SLC22A11: variants seen among roughly 807,000 people sequenced by gnomAD.
The protein encoded by SLC22A11 is organic anion transporter 4.
SLC22A11 carries 42 observed loss-of-function variants against 49.4 expected under a neutral mutation model. The observed-to-expected ratio is 0.85, with a 90% CI of 0.66 to 1.10. The LOEUF is 1.10. Ranked by LOEUF, SLC22A11 falls within the 50% of genes least tolerant of loss-of-function variation. The probability of loss-of-function intolerance (pLI) is 0.00; values close to 1 mark genes in which losing one functional copy is unlikely to be tolerated. For synonymous variants in SLC22A11, 304 were observed against 315.8 expected (o/e 0.96, Z 0.40); for missense variants, 685 against 731.6 (o/e 0.94, Z 0.74).
chr11:64,563,769 A>T (rs887191788), intron 4 of SLC22A11, among the ~76,000 whole-genome samples: 1 of 151,838 alleles, frequency 6.6e-6, no homozygotes, highest in African/African-American at 2.4e-5. Flanking sequence ...AATACAAAAA[A>T]ATTAGCCATG....
At chr11:64,561,009 T>TGCCACGCACCTGCCCAC (rs2038536414) in intron 2 of SLC22A11, among the ~76,000 whole-genome samples, 1 of 152,200 alleles carries the variant, frequency 6.6e-6, no homozygotes, top group African/African-American at 2.4e-5. Context: ...GCAGTTGTCG[T>TGCCACGCACCTGCCCAC]GAGGATGAAG....
In SLC22A11 at chr11:64,568,691, T is replaced by C; in HGVS notation, c.1295T>C (p.Val432Ala). The stretch of plus-strand genomic sequence containing the variant: ...CCAGATTTGCAGACCCTGCGTGTGG[T>C]CTTTGCTGTGCTGGGAAAGGGATGT... ...VPQDLQTLRV[V>A]FAVLGKGCFG... Residue 432 changes from valine to alanine, a missense_variant, in exon 8 of 10, where the codon GTC becomes GCC. Val to Ala is a moderately conservative substitution (Grantham distance 64). Coordinates refer to ENST00000301891, the MANE Select transcript of SLC22A11 (RefSeq NM_018484.4). 6.2e-7 allele frequency: 1 copy of C among 1,614,146 alleles called. No individual in the cohort carries two copies. The highest frequency in any genetic ancestry group is 8.5e-7 in the Non-Finnish European group (1 of 1,180,016).
intron 2 of SLC22A11, among the ~76,000 whole-genome samples, 193 bp downstream of exon 2, chr11:64,559,431 C>A (rs1001367835): frequency 9.2e-5 from 14 of 152,068 alleles, no homozygotes; most frequent in African/African-American, 2.9e-4. Context: ...TCAGCAAGGC[C>A]CCCCAGACCC....
chr11:64,556,146 C>T lies in SLC22A11; in HGVS notation c.147C>T (p.Cys49=). The change falls in exon 1 of 10, where the codon TGC becomes TGT. Residue 49 remains cysteine, a synonymous_variant. Coordinates refer to ENST00000301891, the MANE Select transcript of SLC22A11 (RefSeq NM_018484.4). ...CAGCCGCCATCCCAGGCCACCGATG[C>T]TGGACACACATGCTGGACAATGGCT... ...NFSAAIPGHR[C]WTHMLDNGSA... 6.2e-7 allele frequency: 1 copy of T among 1,614,194 alleles called. No individual in the cohort carries two copies. Among genetic ancestry groups the T allele is most frequent in the Non-Finnish European group, 8.5e-7 (1 of 1,180,028 alleles).
rs1410628714 is a variant in SLC22A11 at position 64,562,234 on chromosome 11, G to A, written c.653-33G>A. The A allele has an allele frequency of 5.6e-6, 9 of 1,600,846 alleles. No individual in the cohort carries two copies. The highest frequency in any genetic ancestry group is 1.7e-5 in the Admixed American group (1 of 59,230). Reference sequence around the variant, plus strand: ...GAGAATGGGGCTCAGGCCGCCGCATGAGGCCTCACCTGCACGTGTCTGCAT... The same window carrying A: ...GAGAATGGGGCTCAGGCCGCCGCATAAGGCCTCACCTGCACGTGTCTGCAT... On this transcript the variant is annotated intron_variant, in intron 3 of 9. Transcript: ENST00000301891. The surrounding 1 kb of genome is among the most constrained non-coding windows in gnomAD (Gnocchi z 4.4).
chr11:64,570,887 C>T, intron 9 of SLC22A11, 92 bp from the exon 10 acceptor site: 3 of 1,221,550 alleles, frequency 2.5e-6, no homozygotes, highest in South Asian at 2.5e-5. Flanking sequence ...ATAGAGTTTA[C>T]CCCCCAATAA....
At chr11:64,556,432 G>A (rs1171300518) in intron 1 of SLC22A11, 40 bp downstream of exon 1, 1 of 1,598,240 alleles carries the variant, frequency 6.3e-7, no homozygotes, top group Non-Finnish European at 8.5e-7. Flanking sequence ...CCGTCACCTT[G>A]GAGGTCAGAG....
intron 6 of SLC22A11, 52 bp from the exon 7 acceptor site, chr11:64,567,547 G>A: frequency 1.3e-6 from 2 of 1,554,504 alleles, no homozygotes; most frequent in Non-Finnish European, 1.8e-6. Flanking sequence ...GTTGCTGTTG[G>A]GGTGCCCTCT....
In SLC22A11 at chr11:64,565,300, G is replaced by A. The variant is rs759027987; in HGVS notation, c.1021G>A (p.Val341Met). 18 of 1,550,708 alleles carry A rather than the reference G, an allele frequency of 1.2e-5. No homozygotes were observed. The Admixed American group carries it at 1.4e-4, about 12-fold the overall frequency. The change falls in exon 6 of 10, where the codon GTG becomes ATG. Residue 341 changes from valine (V) to methionine (M), a missense_variant. Coordinates refer to ENST00000301891, the MANE Select transcript of SLC22A11 (RefSeq NM_018484.4). The surrounding 1 kb of genome is among the most constrained non-coding windows in gnomAD (Gnocchi z 4.1). Reference sequence around the variant, plus strand: ...GGTGCTGGACCTGTTCTGCGTGCCCGTGCTCCGCTGGAGGAGCTGCGCCAT... The same window carrying A: ...GGTGCTGGACCTGTTCTGCGTGCCCATGCTCCGCTGGAGGAGCTGCGCCAT... ...RSVLDLFCVPVLRWRSCAMLV... is the reference protein window; with the variant it reads ...RSVLDLFCVPMLRWRSCAMLV...
intron 9 of SLC22A11, 50 bp from the exon 10 acceptor site, chr11:64,570,929 G>A: frequency 6.2e-7 from 1 of 1,602,170 alleles, no homozygotes; most frequent in Non-Finnish European, 8.6e-7. Flanking sequence ...CAAGCTCCGA[G>A]TACATACCCA....
intron 1 of SLC22A11, among the ~76,000 whole-genome samples, chr11:64,557,959 G>A (rs1300816218): frequency 1.3e-5 from 2 of 151,928 alleles, no homozygotes; most frequent in Non-Finnish European, 2.9e-5. Context: ...AACCACTCCC[G>A]GCTAATTTTT....
intron 8 of SLC22A11, 21 bp downstream of exon 8, chr11:64,568,799 T>C: frequency 6.2e-7 from 1 of 1,600,840 alleles, no homozygotes; most frequent in Non-Finnish European, 8.6e-7. Context: ...CTGCAGGCCA[T>C]GCCCCAGGGC....
rs1242109465 is a variant in SLC22A11 at position 64,562,168 on chromosome 11, C to T, written c.652+10C>T. 11 of 1,611,518 alleles carry T rather than the reference C, an allele frequency of 6.8e-6. No individual in the cohort carries two copies. Among genetic ancestry groups the T allele is most frequent in the Admixed American group, 1.7e-5 (1 of 59,912 alleles). Reference sequence around the variant, plus strand: ...AGTTCACTGACACTGAGTGAGTCCCCGGCTCAGCGCGCTCCTGCCATGGGG... The same window carrying T: ...AGTTCACTGACACTGAGTGAGTCCCTGGCTCAGCGCGCTCCTGCCATGGGG... On this transcript the variant is annotated intron_variant, in intron 3 of 9. Transcript: ENST00000301891. This position sits in a 1 kb window ranked among gnomAD's most constrained non-coding sequence, Gnocchi z 4.4.
intron 2 of SLC22A11, 49 bp from the exon 3 acceptor site, chr11:64,561,955 G>A (rs746475224): frequency 1.2e-5 from 19 of 1,564,056 alleles, no homozygotes; most frequent in South Asian, 3.5e-5. Flanking sequence ...ACATATCCAC[G>A]TCCTCAGGGG....
rs1554984368 is a variant in SLC22A11, at chr11:64,571,397, A to AC, written c.*359dup. ...CAACCAGAGACTGGGTTCCAATCTC[A>AC]CCCCACCACATACAGAGCCCTCATC... On this transcript the variant is annotated 3_prime_UTR_variant, in exon 10 of 10. Transcript: ENST00000301891. 1 of 267,360 alleles carries AC rather than the reference A, an allele frequency of 3.7e-6. No individual in the cohort carries two copies. Among genetic ancestry groups the AC allele is most frequent in the Non-Finnish European group, 7.2e-6 (1 of 138,028 alleles). 16.6% of individuals were successfully genotyped at this position (267,360 alleles called of 1,614,324 possible). A position where few individuals can be genotyped will look rare whatever the true frequency, so the allele number is the denominator to read the frequency against.
In SLC22A11 at chr11:64,556,931, A is replaced by T. The variant is rs77787194; in HGVS notation, c.393+539A>T. Among the ~76,000 whole-genome samples, 243 of 152,300 alleles carry T rather than the reference A, an allele frequency of 1.6e-3. 3 individuals are homozygous for T. Among genetic ancestry groups the T allele is most frequent in the African/African-American group, 5.6e-3 (231 of 41,562 alleles). ...GATGGGCCCAGGAGAAGGCTCAGGA[A>T]CCTGACTAAAGTTTGGCCAAGCAAA... On this transcript the variant is annotated intron_variant, in intron 1 of 9. Coordinates refer to ENST00000301891, the MANE Select transcript of SLC22A11 (RefSeq NM_018484.4).
At position 64,571,125 on chromosome 11, in the gene SLC22A11, T is replaced by C. The variant is rs2135428315; in HGVS notation, c.*83T>C. ...TCTCCAATCAGAGCGTGGAGGCGAG[T>C]TGGGCGACTTCAAGGGCCTGGCATG... On this transcript the variant is annotated 3_prime_UTR_variant, in exon 10 of 10. Transcript: ENST00000301891. 3.4e-6 allele frequency: 5 copies of C among 1,483,050 alleles called. No individual in the cohort carries two copies. The highest frequency in any genetic ancestry group is 4.7e-6 in the Non-Finnish European group (5 of 1,064,540). 91.9% of individuals were successfully genotyped at this position (1,483,050 alleles called of 1,614,324 possible).
intron 2 of SLC22A11, among the ~76,000 whole-genome samples, chr11:64,559,468 C>T (rs2038512098): frequency 6.6e-6 from 1 of 152,024 alleles, no homozygotes; most frequent in Non-Finnish European, 1.5e-5. Context: ...ACAGGGAGGC[C>T]ACCCCAGGCC....
At chr11:64,569,456 G>A (rs2038673585) in intron 8 of SLC22A11, among the ~76,000 whole-genome samples, 196 bp from the exon 9 acceptor site, 1 of 152,134 alleles carries the variant, frequency 6.6e-6, no homozygotes, top group African/African-American at 2.4e-5. Context: ...AATGAGGTGG[G>A]CCCTAGAGAT....
Sources: gnomAD v4.1 joint callset for allele counts (sites outside exome capture counted in the v4.1 genomes callset) on GRCh38, gnomAD v4.1.1 for gene constraint, Gnocchi (gnomAD v3.1) non-coding constraint, MANE v1.5 for transcripts, NCBI Gene and HGNC (gene_info 2026-07-23, HGNC 2026-07-21) for gene names.